CD1B: variants seen among roughly 807,000 people sequenced by gnomAD.
CD1B encodes the protein T-cell surface glycoprotein CD1b.
CD1B carries 43 observed loss-of-function variants against 39.8 expected under a neutral mutation model. The ratio of observed to expected loss-of-function variants is 1.08; its 90% confidence interval spans 0.85 to 1.39. The LOEUF (loss-of-function observed/expected upper bound fraction) is 1.39, where lower values mean the gene tolerates loss of function less well. CD1B is among the 40% of genes most tolerant of loss of function. The probability of loss-of-function intolerance (pLI) is 0.00; values close to 1 mark genes in which losing one functional copy is unlikely to be tolerated. For missense variants in CD1B, 495 were observed against 403.8 expected, an observed-to-expected ratio of 1.23 and a Z score of -1.94; for synonymous variants, 192 against 152.5, an observed-to-expected ratio of 1.26 and a Z score of -1.91.
At chr1:158,292,817 C>T in the CD1B span, 1 of 1,614,172 alleles carries the variant, frequency 6.2e-7, no homozygotes, top group South Asian at 1.1e-5. Context: ...GCCTGCTGGC[C>T]TGTCTTGTCG....
At chr1:158,319,645 A>C in the CD1B span, among the ~76,000 whole-genome samples, 1 of 152,306 alleles carries the variant, frequency 6.6e-6, no homozygotes, top group South Asian at 2.1e-4. Context: ...GATCGTCTGA[A>C]GCCTTCTTCT....
chr1:158,328,745 G>C (rs771517361), intron 5 of CD1B, among the ~76,000 whole-genome samples, 176 bp downstream of exon 5: 26 of 152,124 alleles, frequency 1.7e-4, no homozygotes, highest in Non-Finnish European at 3.7e-4. Context: ...CTTATGTTAT[G>C]TGTATTTTAA....
At chr1:158,292,844 C>T in the CD1B span, 1 of 1,614,070 alleles carries the variant, frequency 6.2e-7, no homozygotes, top group Non-Finnish European at 8.5e-7. Context: ...ACACAGCAGT[C>T]TAGGAGGCCA....
the CD1B span, among the ~76,000 whole-genome samples, chr1:158,309,984 T>TAAAA: frequency 7.8e-6 from 1 of 128,478 alleles, no homozygotes; most frequent in African/African-American, 2.6e-5. Flanking sequence ...CGTATAATAA[T>TAAAA]AAAAAAAAAA....
the CD1B span, chr1:158,289,686 G>GA: frequency 2.4e-5 from 4 of 167,074 alleles, no homozygotes; most frequent in African/African-American, 9.5e-5. Context: ...AGCAGGAACT[G>GA]AAAAAATGAC....
At chr1:158,292,407 A>G in the CD1B span, 3 of 1,578,972 alleles carry the variant, frequency 1.9e-6, no homozygotes, top group South Asian at 1.2e-5. Context: ...TTTCTATTCA[A>G]GTACTGCCCC....
chr1:158,296,264 G>A, the CD1B span, among the ~76,000 whole-genome samples: 1 of 152,018 alleles, frequency 6.6e-6, no homozygotes, highest in African/African-American at 2.4e-5. Context: ...GTCTCAAGGG[G>A]CCAAAGAACA....
chr1:158,331,249 G>T, intron 1 of CD1B, 114 bp downstream of exon 1: 2 of 1,148,416 alleles, frequency 1.7e-6, no homozygotes, highest in African/African-American at 1.5e-5. Context: ...TGAAGAGGGC[G>T]GGAGACAGAA....
rs1488443392 is a variant in CD1B, at chr1:158,329,379, G to C, written c.877C>G (p.Leu293Val). ...CCCTGCTATTTCTTACTCCAGTAGA[G>C]GATGATGTCCTGGCCCTCTAAACTG... ...HSSLEGQDII[L>V]YWRNPTSIGS... Residue 293 changes from leucine (L) to valine (V), a missense_variant, in exon 4 of 6, where the codon CTC becomes GTC. Leu to Val is a conservative substitution (Grantham distance 32). Transcript: ENST00000368168. The C allele has an allele frequency of 6.2e-7, 1 of 1,613,426 alleles. No homozygotes were observed. The highest frequency in any genetic ancestry group is 8.5e-7 in the Non-Finnish European group (1 of 1,179,522).
the CD1B span, among the ~76,000 whole-genome samples, chr1:158,310,999 C>T: frequency 6.6e-6 from 1 of 152,122 alleles, no homozygotes; most frequent in Non-Finnish European, 1.5e-5. Flanking sequence ...ACCAAGCCCC[C>T]ACAACATGCA....
At chr1:158,305,981 C>G in the CD1B span, among the ~76,000 whole-genome samples, 2 of 152,172 alleles carry the variant, frequency 1.3e-5, no homozygotes, top group Non-Finnish European at 2.9e-5. Context: ...AAAAACATGC[C>G]AAATTGTAAA....
the CD1B span, among the ~76,000 whole-genome samples, chr1:158,294,641 C>T: frequency 6.1e-3 from 936 of 152,218 alleles, 3 homozygotes; most frequent in Admixed American, 9.7e-3. Context: ...GTCATAACCC[C>T]TCATACCTGT....
chr1:158,331,127 TG>T, intron 1 of CD1B, 65 bp from the exon 2 acceptor site: 1 of 1,461,226 alleles, frequency 6.8e-7, no homozygotes. Flanking sequence ...TTAGGAAGAA[TG>T]GGAATGAAAA....
chr1:158,301,951 A>G, the CD1B span, among the ~76,000 whole-genome samples: 1 of 152,060 alleles, frequency 6.6e-6, no homozygotes, highest in African/African-American at 2.4e-5. Flanking sequence ...TTCTTTTCAC[A>G]TAGTACCATA....
At chr1:158,285,788 G>A in the CD1B span, among the ~76,000 whole-genome samples, 2 of 152,096 alleles carry the variant, frequency 1.3e-5, no homozygotes, top group East Asian at 1.9e-4. Flanking sequence ...AGGGCAGAGG[G>A]TGGAGGATAT....
chr1:158,290,955 A>G, the CD1B span, among the ~76,000 whole-genome samples: 1 of 152,136 alleles, frequency 6.6e-6, no homozygotes, highest in Non-Finnish European at 1.5e-5. Flanking sequence ...CTCCAGGTCC[A>G]GTTTACTCTT....
chr1:158,307,906 T>C, the CD1B span, among the ~76,000 whole-genome samples: 1 of 152,172 alleles, frequency 6.6e-6, no homozygotes, highest in Non-Finnish European at 1.5e-5. Flanking sequence ...CTGGAAGCAT[T>C]CCCTTGGAAA....
chr1:158,309,984 T>TA, the CD1B span, among the ~76,000 whole-genome samples: 49,706 of 128,416 alleles, frequency 0.39, 8,926 homozygotes, highest in East Asian at 0.52. Flanking sequence ...CGTATAATAA[T>TA]AAAAAAAAAA....
chr1:158,331,005 G>C lies in CD1B; in HGVS notation c.119C>G (p.Thr40Ser), dbSNP rs201304430. Residue 40 changes from threonine to serine, a missense_variant, in exon 2 of 6, where the codon ACC (threonine) becomes AGC (serine). Transcript: ENST00000368168. The stretch of plus-strand genomic sequence containing the variant: ...GCCTGAGCCTTGAGTTTGTGCCCAG[G>C]TACTATTGGTAAAGGACGAGGTCTG... Reference protein sequence around the residue: ...VIQTSSFTNSTWAQTQGSGWL... With the variant: ...VIQTSSFTNSSWAQTQGSGWL... 2.7e-5 allele frequency: 44 copies of C among 1,614,116 alleles called. No homozygotes were observed. Among genetic ancestry groups the C allele is most frequent in the African/African-American group, 4.0e-5 (3 of 75,042 alleles).
Sources: gnomAD v4.1 joint callset for allele counts (sites outside exome capture counted in the v4.1 genomes callset) on GRCh38, gnomAD v4.1.1 for gene constraint, MANE v1.5 for transcripts, NCBI Gene and HGNC (gene_info 2026-07-23, HGNC 2026-07-21) for gene names.